The following RBBP8 variants were observed in gnomAD, a reference collection of about 807,000 sequenced individuals.
RBBP8 encodes DNA endonuclease RBBP8.
RBBP8 carries 88 observed loss-of-function variants against 108.3 expected under a neutral mutation model. The observed-to-expected ratio is 0.81, with a 90% CI of 0.68 to 0.97. RBBP8 has a LOEUF of 0.97. RBBP8 is among the 50% of genes least tolerant of loss of function. The pLI is 0.00. For synonymous variants in RBBP8, 332 were observed against 348.2 expected (o/e 0.95, Z 0.52); for missense variants, 1,023 against 1,049.0 (o/e 0.98, Z 0.34).
At chr18:23,020,967 G>T (rs1027916847) in intron 17 of RBBP8, among the ~76,000 whole-genome samples, 1 of 152,190 alleles carries the variant, frequency 6.6e-6, no homozygotes, top group East Asian at 1.9e-4. Context: ...CTTCTTTAAA[G>T]CCTTTAATCT....
chr18:22,986,875 A>T (rs1468896263), intron 8 of RBBP8, among the ~76,000 whole-genome samples: 1 of 152,184 alleles, frequency 6.6e-6, no homozygotes, highest in South Asian at 2.1e-4. Flanking sequence ...GGTGCTAGGG[A>T]TACAACACAG....
intron 16 of RBBP8, among the ~76,000 whole-genome samples, chr18:23,010,262 TTTTGCCTGTAGATCA>T (rs1212878255): frequency 6.6e-6 from 1 of 152,160 alleles, no homozygotes; most frequent in Non-Finnish European, 1.5e-5. Flanking sequence ...CTTTTCATAT[TTTTGCCTGTAGATCA>T]TTGAGATAGA....
At chr18:23,002,438 A>G (rs1193282263) in intron 15 of RBBP8, among the ~76,000 whole-genome samples, 2 of 152,124 alleles carry the variant, frequency 1.3e-5, no homozygotes, top group Admixed American at 6.5e-5. Context: ...AAATTCAAAA[A>G]AGGAAAATTC....
intron 4 of RBBP8, among the ~76,000 whole-genome samples, chr18:22,958,161 T>C (rs1416168438): frequency 2.0e-5 from 3 of 152,234 alleles, no homozygotes; most frequent in Admixed American, 2.0e-4. Context: ...GTTATCTTCT[T>C]TTCTATTACC....
intron 2 of RBBP8, among the ~76,000 whole-genome samples, chr18:22,942,111 G>A (rs1911133897): frequency 6.6e-6 from 1 of 152,012 alleles, no homozygotes; most frequent in African/African-American, 2.4e-5. Flanking sequence ...AGTGTAAGAA[G>A]CTGTTTGAAA....
rs1234900614 is a variant in RBBP8 at position 23,015,153 on chromosome 18, C to T, written c.2358-1675C>T. Among the ~76,000 whole-genome samples, 3 of 152,162 alleles carry T rather than the reference C, an allele frequency of 2.0e-5. No homozygotes were observed. In the South Asian group the frequency reaches 6.2e-4, roughly 32 times the overall value. ...TCTCAAGCAACCCTTTTGCCCCAGTCTCCCTAAGTGCTGGGATTATAGGCA... is the reference window on the plus strand; with the variant it reads ...TCTCAAGCAACCCTTTTGCCCCAGTTTCCCTAAGTGCTGGGATTATAGGCA... On this transcript the variant is annotated intron_variant, in intron 16 of 18. Coordinates refer to ENST00000327155, the MANE Select transcript of RBBP8 (RefSeq NM_002894.3).
At chr18:22,946,572 C>A (rs1911581320) in intron 3 of RBBP8, 86 bp downstream of exon 3, 1 of 1,559,802 alleles carries the variant, frequency 6.4e-7, no homozygotes, top group Non-Finnish European at 8.7e-7. Context: ...GTAGTTGATA[C>A]TGATGTCCAA....
chr18:22,945,378 GTTTTATTTTA>G (rs1022274051), intron 2 of RBBP8, among the ~76,000 whole-genome samples: 1 of 151,840 alleles, frequency 6.6e-6, no homozygotes, highest in Non-Finnish European at 1.5e-5. Flanking sequence ...ATTTTGTTTT[GTTTTATTTTA>G]TTTTATTTTA....
At position 22,937,397 on chromosome 18, in the gene RBBP8, G is replaced by C. The variant is rs201910074; in HGVS notation, c.109+437G>C. On this transcript the variant is annotated intron_variant, in intron 2 of 18. Coordinates refer to ENST00000327155, the MANE Select transcript of RBBP8 (RefSeq NM_002894.3). ...TTTTGTTCTTTTTTATGGCTTCATT[G>C]TATTCCATGATGTATATATACTTTT... Among the ~76,000 whole-genome samples the C allele has an allele frequency of 4.9e-3, 744 of 151,730 alleles. 7 individuals are homozygous for C. The highest frequency in any genetic ancestry group is 0.017 in the African/African-American group (716 of 41,340).
At chr18:22,945,261 G>C (rs1175190001) in intron 2 of RBBP8, among the ~76,000 whole-genome samples, 1 of 152,116 alleles carries the variant, frequency 6.6e-6, no homozygotes, top group Non-Finnish European at 1.5e-5. Flanking sequence ...TCACATTGCA[G>C]AAAATGGGGA....
chr18:22,988,972 T>A (rs896493542), intron 8 of RBBP8, among the ~76,000 whole-genome samples: 5 of 152,238 alleles, frequency 3.3e-5, no homozygotes, highest in Admixed American at 6.5e-5. Flanking sequence ...TATCTACCTA[T>A]TGCATTCAGT....
intron 2 of RBBP8, among the ~76,000 whole-genome samples, chr18:22,915,715 G>C (rs1380324833): frequency 2.6e-5 from 4 of 151,960 alleles, no homozygotes; most frequent in Non-Finnish European, 5.9e-5. Flanking sequence ...TGAATATATT[G>C]CATATGATAA....
chr18:22,938,338 T>G (rs1910760457), intron 2 of RBBP8, among the ~76,000 whole-genome samples: 1 of 151,764 alleles, frequency 6.6e-6, no homozygotes, highest in Non-Finnish European at 1.5e-5. Context: ...ATCCTTCACC[T>G]TAGAACACCT....
chr18:23,022,078 C>T lies in RBBP8; in HGVS notation c.2455-51C>T, dbSNP rs1380349267. On this transcript the variant is annotated intron_variant, in intron 17 of 18. Transcript: ENST00000327155. ...TCTAGTTTGTAATCAATAAGCATAA[C>T]ACTCCATTTATTATTCTTTAGTGAA... 2.1e-6 allele frequency: 3 copies of T among 1,404,528 alleles called. No individual in the cohort carries two copies. The African/African-American group carries it at 4.3e-5, about 20-fold the overall frequency. The allele number at this position is 1,404,528 out of a possible 1,614,324, so 87.0% of individuals were successfully genotyped here. A position where few individuals can be genotyped will look rare whatever the true frequency, so the allele number is the denominator to read the frequency against.
chr18:22,969,574 A>G (rs1913910541), intron 5 of RBBP8, among the ~76,000 whole-genome samples: 1 of 152,124 alleles, frequency 6.6e-6, no homozygotes, highest in South Asian at 2.1e-4. Flanking sequence ...TTATATTGCT[A>G]CCCTGTGGTT....
At chr18:23,021,690 C>T (rs1017671347) in intron 17 of RBBP8, among the ~76,000 whole-genome samples, 2 of 152,024 alleles carry the variant, frequency 1.3e-5, no homozygotes, top group African/African-American at 2.4e-5. Context: ...TTGAAACACA[C>T]GTTATATTCA....
chr18:22,997,531 A>G (rs927860942), intron 13 of RBBP8, 89 bp from the exon 14 acceptor site: 10 of 834,164 alleles, frequency 1.2e-5, no homozygotes, highest in Middle Eastern at 3.1e-4. Flanking sequence ...TATGTTATGT[A>G]TATTTTACCA....
intron 3 of RBBP8, among the ~76,000 whole-genome samples, chr18:22,925,959 G>C (rs1909776523): frequency 6.6e-6 from 1 of 152,068 alleles, no homozygotes. Flanking sequence ...CAGCAGTTAA[G>C]TTCTGAGATC....
rs576392929 is a variant in RBBP8 at position 22,978,628 on chromosome 18, G to C, written c.428+3409G>C. ...TGGAATTTTTATGACTAATAGGCAA[G>C]CAGGCTGTGACGTGATTAGTTAAAG... On this transcript the variant is annotated intron_variant, in intron 6 of 18. Coordinates refer to ENST00000327155, the MANE Select transcript of RBBP8 (RefSeq NM_002894.3). Among the ~76,000 whole-genome samples the C allele has an allele frequency of 8.4e-4, 127 of 152,030 alleles. No homozygotes were observed. In the Middle Eastern group the frequency reaches 0.017, roughly 20 times the overall value.
Sources: gnomAD v4.1 joint callset for allele counts (sites outside exome capture counted in the v4.1 genomes callset) on GRCh38, gnomAD v4.1.1 for gene constraint, MANE v1.5 for transcripts, NCBI Gene and HGNC (gene_info 2026-07-23, HGNC 2026-07-21) for gene names.